MYH4: variants seen among roughly 807,000 people sequenced by gnomAD.
MYH4 encodes myosin-4.
Under a neutral mutation model 229.9 loss-of-function variants are expected in MYH4, and 200 were observed. The ratio of observed to expected loss-of-function variants is 0.87; its 90% CI spans 0.78 to 0.98. The LOEUF is 0.98. MYH4 is among the 50% of genes least tolerant of loss of function. The pLI, the probability that MYH4 is intolerant of heterozygous loss-of-function variation, is 0.00. For synonymous variants in MYH4, 761 were observed against 834.6 expected (o/e 0.91, Z 1.52); for missense variants, 2,148 against 2,332.6 (o/e 0.92, Z 1.63).
rs776575612 is a variant in MYH4 at position 10,465,448 on chromosome 17, G to A, written c.499C>T (p.Leu167=). ...AATTGTAATTCTCACTCACCAGTTA[G>A]CATGAACTGATAGGCATTGTCAGAG... is the stretch of plus-strand genomic sequence containing the variant. ...SISDNAYQFM[L]TDRENQSILI... is the part of the protein sequence containing the mutation. Residue 167 remains leucine (L), a synonymous_variant, in exon 5 of 40, where the codon CTA becomes TTA. Coordinates refer to ENST00000255381, the MANE Select transcript of MYH4 (RefSeq NM_017533.2). 3.7e-6 allele frequency: 6 copies of A among 1,613,718 alleles called. No homozygotes were observed. The highest frequency in any genetic ancestry group is 5.1e-6 in the Non-Finnish European group (6 of 1,179,952).
intron 35 of MYH4, 29 bp downstream of exon 35, chr17:10,446,984 A>C (rs750213356): frequency 6.2e-7 from 1 of 1,602,002 alleles, no homozygotes; most frequent in Non-Finnish European, 8.5e-7. Flanking sequence ...CAGGGAGTAC[A>C]TTTTCTAAAC....
At chr17:10,452,570 A>G in intron 25 of MYH4, 64 bp from the exon 26 acceptor site, 1 of 1,501,320 alleles carries the variant, frequency 6.7e-7, no homozygotes, top group Non-Finnish European at 9.1e-7. Flanking sequence ...TTCTATGTAT[A>G]ATCTAAGACT....
At chr17:10,465,644 T>C (rs2072755651) in intron 4 of MYH4, 46 bp from the exon 5 acceptor site, 1 of 1,612,030 alleles carries the variant, frequency 6.2e-7, no homozygotes, top group South Asian at 1.1e-5. Context: ...ACCTTGTTTA[T>C]CTATCTTGGA....
In MYH4 at chr17:10,463,489, G is replaced by A; in HGVS notation, c.741+62C>T. The A allele has an allele frequency of 1.5e-5, 23 of 1,571,590 alleles. 1 individual carries two copies. The South Asian group carries it at 2.4e-4, about 16-fold the overall frequency. On this transcript the variant is annotated intron_variant, in intron 8 of 39. Coordinates refer to ENST00000255381, the MANE Select transcript of MYH4 (RefSeq NM_017533.2). ...GGACCAAACAGGTGGAAAAAATATT[G>A]ACACCACATGCACACAAGAATCAGT...
chr17:10,469,189 T>C lies in MYH4; in HGVS notation c.-40+99A>G, dbSNP rs1317711708. On this transcript the variant is annotated intron_variant, in intron 2 of 39. Transcript: ENST00000255381. ...AAAGAACAGCTGCCCCGATATCCTATTCCCAATACTAAACTAGGAAATAAA... is the reference window on the plus strand; with the variant it reads ...AAAGAACAGCTGCCCCGATATCCTACTCCCAATACTAAACTAGGAAATAAA... 9 of 152,214 alleles carry C rather than the reference T, an allele frequency of 5.9e-5. No homozygotes were observed. The East Asian group carries it at 1.7e-3, about 29-fold the overall frequency. 9.4% of individuals were successfully genotyped at this position (152,214 alleles called of 1,614,324 possible). A position where few individuals can be genotyped will look rare whatever the true frequency, so the allele number is the denominator to read the frequency against.
intron 16 of MYH4, 70 bp from the exon 17 acceptor site, chr17:10,456,625 A>C: frequency 1.6e-6 from 2 of 1,249,518 alleles, no homozygotes; most frequent in Admixed American, 1.8e-5. Flanking sequence ...AAACATCAGG[A>C]CTGCCAAAAT....
rs774421389 is a variant in MYH4, at chr17:10,459,452, G to A, written c.1417-31C>T. The A allele has an allele frequency of 1.7e-5, 27 of 1,613,916 alleles. No individual in the cohort carries two copies. In the Admixed American group the frequency reaches 2.3e-4, roughly 14 times the overall value. On this transcript the variant is annotated intron_variant, in intron 14 of 39. Transcript: ENST00000255381. ...GAACAAGATAAATATAGGAAATTAC[G>A]CATAACAAGTATTCTATCTACAGAG...
rs1485298711 is a variant in MYH4, at chr17:10,447,807, C to T, written c.4965+11G>A. ...GACTGTACAACACTATGTGTATTTACCCCAGCATACCTTCAGTATTCCTTG... is the reference window on the plus strand; with the variant it reads ...GACTGTACAACACTATGTGTATTTATCCCAGCATACCTTCAGTATTCCTTG... On this transcript the variant is annotated intron_variant, in intron 34 of 39. Coordinates refer to ENST00000255381, the MANE Select transcript of MYH4 (RefSeq NM_017533.2). 3.1e-6 allele frequency: 5 copies of T among 1,596,772 alleles called. No homozygotes were observed. In the African/African-American group the frequency reaches 4.0e-5, roughly 13 times the overall value.
At chr17:10,446,258 A>G (rs2072511343) in intron 35 of MYH4, among the ~76,000 whole-genome samples, 1 of 152,126 alleles carries the variant, frequency 6.6e-6, no homozygotes, top group Non-Finnish European at 1.5e-5. Flanking sequence ...ATACAGTACT[A>G]TATATTTATT....
chr17:10,446,541 A>G (rs1313947375), intron 35 of MYH4, among the ~76,000 whole-genome samples: 2 of 152,214 alleles, frequency 1.3e-5, no homozygotes, highest in African/African-American at 4.8e-5. Flanking sequence ...CAAATTCACT[A>G]TATACAACAA....
At chr17:10,453,446 C>A in intron 23 of MYH4, 118 bp from the exon 24 acceptor site, 1 of 1,575,536 alleles carries the variant, frequency 6.3e-7, no homozygotes, top group Non-Finnish European at 8.6e-7. Context: ...GAACCAGGAG[C>A]TAACCCAGGC....
chr17:10,458,024 T>C (rs569674105), intron 15 of MYH4, among the ~76,000 whole-genome samples: 1 of 152,320 alleles, frequency 6.6e-6, no homozygotes, highest in Non-Finnish European at 1.5e-5. Flanking sequence ...CATAAATGTA[T>C]ATATCTGACT....
Position 10,459,265 on chromosome 17 carries a change from C to T in MYH4, c.1573G>A (p.Glu525Lys), listed in dbSNP as rs374309931. 6.8e-6 allele frequency: 11 copies of T among 1,613,864 alleles called. No individual in the cohort carries two copies. Among genetic ancestry groups the T allele is most frequent in the East Asian group, 4.5e-5 (2 of 44,866 alleles). ...DFGMDLAACI[E>K]LIEKPMGIFS... ...GTCATATGAACCTTCTCGATGAGCT[C>T]GATGCAGGCAGCCAGGTCCATCCCG... is the stretch of plus-strand genomic sequence containing the variant. Residue 525 changes from glutamate (E) to lysine (K), a missense_variant, in exon 15 of 40, where the codon GAG becomes AAG. By Grantham distance (56) the Glu-to-Lys change is moderately conservative. Transcript: ENST00000255381.
In MYH4 at chr17:10,455,617, T is replaced by G. The variant is rs180690922; in HGVS notation, c.2171A>C (p.Gln724Pro). The change falls in exon 19 of 40, where the codon CAG (glutamine) becomes CCG (proline). Residue 724 changes from glutamine to proline, a missense_variant. Transcript: ENST00000255381. ...GGAAAAATAATGAGACACAAACCTCTGTTTGAAGTCTGCATAAAGGATTCT... is the reference window on the plus strand; with the variant it reads ...GGAAAAATAATGAGACACAAACCTCGGTTTGAAGTCTGCATAAAGGATTCT... ...PSRILYADFK[Q>P]RYKVLNASAI... 6.2e-7 allele frequency: 1 copy of G among 1,614,014 alleles called. No individual in the cohort carries two copies. The highest frequency in any genetic ancestry group is 1.3e-5 in the African/African-American group (1 of 75,048).
chr17:10,448,653 A>G lies in MYH4; in HGVS notation c.4496T>C (p.Leu1499Pro), dbSNP rs375265324. Residue 1499 changes from leucine (L) to proline (P), a missense_variant, in exon 32 of 40, where the codon CTT (leucine) becomes CCT (proline). By Grantham distance (98) the Leu-to-Pro change is moderately conservative (BLOSUM62 -3). Coordinates refer to ENST00000255381, the MANE Select transcript of MYH4 (RefSeq NM_017533.2). ...KNAYEESLDH[L>P]ETLKRENKNL... is the part of the protein sequence containing the mutation. ...CTTATTCTCTCGCTTTAGAGTTTCA[A>G]GATGATCCAGGGATTCCTCGTAGGC... The G allele has an allele frequency of 2.5e-6, 4 of 1,613,982 alleles. No homozygotes were observed. The highest frequency in any genetic ancestry group is 2.7e-5 in the African/African-American group (2 of 74,936).
intron 25 of MYH4, 68 bp from the exon 26 acceptor site, chr17:10,452,574 TAA>T: frequency 6.7e-7 from 1 of 1,481,584 alleles, no homozygotes; most frequent in South Asian, 1.2e-5. Flanking sequence ...ATGTATAATC[TAA>T]GACTTTTTTT....
rs766443281 is a variant in MYH4, at chr17:10,448,450, C to G, written c.4602G>C (p.Lys1534Asn). The change falls in exon 33 of 40, where the codon AAG (lysine) becomes AAC (asparagine). Residue 1534 changes from lysine to asparagine, a missense_variant. Physicochemically the swap from Lys to Asn is moderately conservative, Grantham distance 94 (BLOSUM62 0). Coordinates refer to ENST00000255381, the MANE Select transcript of MYH4 (RefSeq NM_017533.2). ...GKHIHELEKVKKQLDHEKSEL... is the reference protein window; with the variant it reads ...GKHIHELEKVNKQLDHEKSEL... ...CACTCTTCTCATGATCAAGTTGTTT[C>G]TTTACTTTCTCCAGTTCATGGATAT... 2.5e-6 allele frequency: 4 copies of G among 1,613,836 alleles called. No homozygotes were observed. In the East Asian group the frequency reaches 8.9e-5, roughly 36 times the overall value.
intron 30 of MYH4, among the ~76,000 whole-genome samples, chr17:10,450,157 A>T (rs886597475): frequency 5.9e-5 from 9 of 152,172 alleles, no homozygotes; most frequent in Admixed American, 4.6e-4. Flanking sequence ...CTATTAAAAG[A>T]TACTAATTCT....
Position 10,459,153 on chromosome 17 carries a change from C to T in MYH4, c.1587+98G>A, listed in dbSNP as rs138267298. The T allele has an allele frequency of 7.1e-4, 1,129 of 1,583,028 alleles. 12 individuals carry two copies. Among genetic ancestry groups the T allele is most frequent in the Admixed American group, 8.8e-4 (52 of 59,124 alleles). ...CAGAATATACGAGTGTGTCAGGAAA[C>T]AGCACTGCTTGTTCTTTGAGAACAG... is the stretch of plus-strand genomic sequence containing the variant. On this transcript the variant is annotated intron_variant, in intron 15 of 39. Transcript: ENST00000255381.
Sources: allele counts gnomAD v4.1 joint callset (sites outside exome capture counted in the v4.1 genomes callset), GRCh38; gene constraint gnomAD v4.1.1; transcripts MANE v1.5; gene names NCBI Gene and HGNC (gene_info 2026-07-23, HGNC 2026-07-21).